DNAH7: variants seen among roughly 807,000 people sequenced by gnomAD.
DNAH7 encodes axonemal beta dynein heavy chain 7.
DNAH7 carries 397 observed loss-of-function variants against 444.6 expected under a neutral mutation model. That is an observed-to-expected ratio of 0.89 (90% confidence interval 0.82 to 0.97). DNAH7 has a LOEUF of 0.97. DNAH7 is among the 50% of genes least tolerant of loss of function. The pLI is 0.00. For synonymous variants in DNAH7, 1,636 were observed against 1,624.4 expected, an observed-to-expected ratio of 1.01 and a Z score of -0.17; for missense variants, 4,902 against 4,800.8, an observed-to-expected ratio of 1.02 and a Z score of -0.62.
At chr2:195,852,693 G>A (rs1031073530) in intron 46 of DNAH7, among the ~76,000 whole-genome samples, 4 of 152,110 alleles carry the variant, frequency 2.6e-5, no homozygotes, top group Admixed American at 1.3e-4. Flanking sequence ...TAGATGTTCC[G>A]CCAGGGAGAA....
chr2:196,067,798 C>T (rs1205824104), intron 1 of DNAH7, among the ~76,000 whole-genome samples: 1 of 152,160 alleles, frequency 6.6e-6, no homozygotes, highest in Non-Finnish European at 1.5e-5. Flanking sequence ...TGTTTAAAAG[C>T]TAAATGAAAT....
At position 195,960,858 on chromosome 2, in the gene DNAH7, G is replaced by A; in HGVS notation, c.2293C>T (p.Pro765Ser). The A allele has an allele frequency of 6.2e-7, 1 of 1,614,002 alleles. No homozygotes were observed. The highest frequency in any genetic ancestry group is 8.5e-7 in the Non-Finnish European group (1 of 1,179,994). Reference sequence around the variant, plus strand: ...GCAGTTTCATAAAGACGAAGATAAGGGTTCAAGCCATCTTGGATTTTTTTA... The same window carrying A: ...GCAGTTTCATAAAGACGAAGATAAGAGTTCAAGCCATCTTGGATTTTTTTA... The part of the protein sequence containing the change: ...QRKKIQDGLN[P>S]YLRLYETAVE... The change falls in exon 18 of 65, where the codon CCT becomes TCT. Residue 765 changes from proline to serine, a missense_variant. Coordinates refer to ENST00000312428, the MANE Select transcript of DNAH7 (RefSeq NM_018897.3).
In DNAH7 at chr2:195,857,677, T is replaced by C. The variant is rs1414145333; in HGVS notation, c.8114A>G (p.Lys2705Arg). The change falls in exon 44 of 65, where the codon AAG becomes AGG. Residue 2705 changes from lysine (K) to arginine (R), a missense_variant. Coordinates refer to ENST00000312428, the MANE Select transcript of DNAH7 (RefSeq NM_018897.3). ...KSMKSPPAGV[K>R]LVMEAICILK... ...GATGCATATAGCTTCCATAACAAGC[T>C]TGACACCAGCAGGAGGACTCTTCAT... 1 of 1,612,926 alleles carries C rather than the reference T, an allele frequency of 6.2e-7. No individual in the cohort carries two copies. The highest frequency in any genetic ancestry group is 1.7e-4 in the Middle Eastern group (1 of 6,056).
intron 64 of DNAH7, among the ~76,000 whole-genome samples, chr2:195,739,876 G>C (rs888561000): frequency 1.3e-5 from 2 of 152,190 alleles, no homozygotes; most frequent in African/African-American, 4.8e-5. Context: ...CCGTAAACAA[G>C]TGTCCTTTTC....
At chr2:195,761,308 A>C (rs1351174838) in intron 61 of DNAH7, among the ~76,000 whole-genome samples, 2 of 152,152 alleles carry the variant, frequency 1.3e-5, no homozygotes, top group African/African-American at 2.4e-5. Context: ...AGATAAAAGA[A>C]AAAACAAGAA....
chr2:196,048,178 T>C (rs958319858), intron 4 of DNAH7, 118 bp downstream of exon 4: 7 of 831,976 alleles, frequency 8.4e-6, no homozygotes, highest in African/African-American at 3.4e-5. Flanking sequence ...AAAATTTTTT[T>C]CTACTTGACA....
chr2:196,054,654 T>C (rs1170514578), intron 2 of DNAH7, among the ~76,000 whole-genome samples: 2 of 152,172 alleles, frequency 1.3e-5, no homozygotes, highest in East Asian at 3.9e-4. Flanking sequence ...TTTGGCTGTG[T>C]CCCAACCCAA....
chr2:195,798,872 A>T (rs1696306075), intron 55 of DNAH7, among the ~76,000 whole-genome samples: 1 of 151,930 alleles, frequency 6.6e-6, no homozygotes, highest in Non-Finnish European at 1.5e-5. Flanking sequence ...TAATACAGTG[A>T]CCACAACGTA....
chr2:196,036,544 C>G (rs1246994405), intron 5 of DNAH7, among the ~76,000 whole-genome samples: 3 of 152,188 alleles, frequency 2.0e-5, no homozygotes, highest in African/African-American at 7.2e-5. Context: ...AGCCTAAGAG[C>G]AGTCTACCTG....
At chr2:195,956,607 C>T (rs1248368942) in intron 19 of DNAH7, among the ~76,000 whole-genome samples, 1 of 151,160 alleles carries the variant, frequency 6.6e-6, no homozygotes, top group East Asian at 1.9e-4. Context: ...GCCAAGATTG[C>T]ACCACTGCAC....
intron 21 of DNAH7, among the ~76,000 whole-genome samples, chr2:195,929,347 C>T (rs1030800768): frequency 5.9e-5 from 9 of 152,196 alleles, no homozygotes; most frequent in African/African-American, 2.2e-4. Flanking sequence ...CTACCAACAT[C>T]ATTTTTCACA....
In DNAH7 at chr2:195,737,925, G is replaced by T. The variant is rs781736874; in HGVS notation, c.12071C>A (p.Ser4024Ter). The T allele has an allele frequency of 6.2e-7, 1 of 1,613,666 alleles. No individual in the cohort carries two copies. The highest frequency in any genetic ancestry group is 8.5e-7 in the Non-Finnish European group (1 of 1,179,724). Reference protein sequence around the residue: ...RGVALLCQLNS With the variant: ...RGVALLCQLN ...CAAGGAAATGATGTCTTCTGGTTAT[G>T]AATTAAGTTGACATAACAGTGCTAC... Residue 4024 changes from serine (S) to a stop codon, truncating the protein, a stop_gained, in exon 65 of 65, where the codon TCA (serine) becomes TAA (stop). Transcript: ENST00000312428. LOFTEE classifies it high-confidence loss of function.
chr2:195,778,630 AAAT>A lies in DNAH7; in HGVS notation c.10879-648_10879-646del, dbSNP rs1210034337. Among the ~76,000 whole-genome samples the A allele has an allele frequency of 5.7e-4, 14 of 24,504 alleles. 1 individual carries two copies. The highest frequency in any genetic ancestry group is 1.8e-3 in the African/African-American group (13 of 7,312). 16.1% of individuals were successfully genotyped at this position (24,504 alleles called of 152,430 possible). On this transcript the variant is annotated intron_variant, in intron 58 of 64. Transcript: ENST00000312428. ...CAAGACCCTGTCTGAAAAAAAAAAA[AAAT>A]AAATAAATAAATATATATATATATA...
At chr2:195,842,410 G>A (rs529544670) in intron 47 of DNAH7, among the ~76,000 whole-genome samples, 1 of 152,222 alleles carries the variant, frequency 6.6e-6, no homozygotes, top group South Asian at 2.1e-4. Flanking sequence ...TCCTCTGTGA[G>A]TGCTCAATAT....
chr2:196,029,583 A>G (rs924997861), intron 5 of DNAH7, among the ~76,000 whole-genome samples: 1 of 152,094 alleles, frequency 6.6e-6, no homozygotes, highest in Non-Finnish European at 1.5e-5. Context: ...TTTCACATAT[A>G]TTATTTATAA....
intron 5 of DNAH7, among the ~76,000 whole-genome samples, chr2:196,031,275 A>G (rs1452090584): frequency 6.6e-6 from 1 of 152,184 alleles, no homozygotes; most frequent in Admixed American, 6.5e-5. Context: ...GCTGGGACAC[A>G]GGGTACCAAG....
intron 47 of DNAH7, among the ~76,000 whole-genome samples, chr2:195,841,032 T>C (rs566739568): frequency 6.6e-6 from 1 of 151,952 alleles, no homozygotes; most frequent in South Asian, 2.1e-4. Context: ...TGAGACTTAA[T>C]ATGCTTCAAT....
chr2:196,048,439 ATATCAGAAAAAAACC>A, intron 3 of DNAH7, 35 bp from the exon 4 acceptor site: 1 of 1,582,718 alleles, frequency 6.3e-7, no homozygotes, highest in Non-Finnish European at 8.6e-7. Context: ...TTAACAAACA[ATATCAGAAAAAAACC>A]TTTTTCCATG....
At chr2:195,930,580 T>G (rs572450167) in intron 21 of DNAH7, among the ~76,000 whole-genome samples, 1 of 152,174 alleles carries the variant, frequency 6.6e-6, no homozygotes, top group African/African-American at 2.4e-5. Context: ...ATTGGTGGGA[T>G]TGTAAGTTAG....
Sources: allele counts gnomAD v4.1 joint callset (sites outside exome capture counted in the v4.1 genomes callset), GRCh38; gene constraint gnomAD v4.1.1; transcripts MANE v1.5; gene names NCBI Gene and HGNC (gene_info 2026-07-23, HGNC 2026-07-21).